The following CSMD3 variants were observed in gnomAD, a reference collection of about 807,000 sequenced individuals.
The protein encoded by CSMD3 is CUB and Sushi multiple domains 3.
Under a neutral mutation model 435.2 loss-of-function variants are expected in CSMD3, and 177 were observed. The ratio of observed to expected loss-of-function variants is 0.41; its 90% CI spans 0.36 to 0.46. The LOEUF is 0.46. Among genes scored for constraint, CSMD3 ranks in the 20% least tolerant of loss-of-function variants. CSMD3 has a pLI of 0.34. For synonymous variants in CSMD3, 1,656 were observed against 1,520.5 expected (o/e 1.09, Z -2.07); for missense variants, 4,265 against 4,504.6 (o/e 0.95, Z 1.52).
intron 27 of CSMD3, among the ~76,000 whole-genome samples, chr8:112,545,482 CAA>C (rs71566032): frequency 4.5e-4 from 12 of 26,890 alleles, no homozygotes; most frequent in Middle Eastern, 0.021. Flanking sequence ...GACTCCATCT[CAA>C]AAAAAAAAAA....
At chr8:112,601,789 T>G (rs769452984) in intron 22 of CSMD3, among the ~76,000 whole-genome samples, 4 of 152,232 alleles carry the variant, frequency 2.6e-5, no homozygotes, top group Non-Finnish European at 5.9e-5. Flanking sequence ...GTTCAATTAA[T>G]ATTTTTATAT....
At chr8:112,726,989 A>C in intron 13 of CSMD3, among the ~76,000 whole-genome samples, 1 of 151,858 alleles carries the variant, frequency 6.6e-6, no homozygotes, top group Non-Finnish European at 1.5e-5. Flanking sequence ...AGAATTCTAA[A>C]AAATAAAGAC....
At chr8:112,768,964 T>C (rs1016632228) in intron 13 of CSMD3, among the ~76,000 whole-genome samples, 2 of 151,974 alleles carry the variant, frequency 1.3e-5, no homozygotes. Flanking sequence ...CAGCTATTTA[T>C]TCACATATCC....
At chr8:113,324,185 A>G (rs2093967731) in intron 1 of CSMD3, among the ~76,000 whole-genome samples, 1 of 152,222 alleles carries the variant, frequency 6.6e-6, no homozygotes, top group Non-Finnish European at 1.5e-5. Context: ...TTTTCTGAGG[A>G]GAAATTCAAG....
intron 10 of CSMD3, among the ~76,000 whole-genome samples, chr8:112,906,789 C>A (rs908287875): frequency 4.0e-5 from 6 of 151,538 alleles, no homozygotes; most frequent in Non-Finnish European, 8.9e-5. Flanking sequence ...AATTCAAATT[C>A]TTTCACTGAT....
chr8:112,811,675 TCTC>T (rs1239907386), intron 12 of CSMD3, among the ~76,000 whole-genome samples: 1 of 152,322 alleles, frequency 6.6e-6, no homozygotes, highest in Admixed American at 6.5e-5. Flanking sequence ...TTTTTTGAAA[TCTC>T]CTCTACAGAT....
At chr8:113,089,454 T>A (rs571763965) in intron 5 of CSMD3, among the ~76,000 whole-genome samples, 1 of 152,116 alleles carries the variant, frequency 6.6e-6, no homozygotes, top group Non-Finnish European at 1.5e-5. Context: ...ATCTAAGACA[T>A]AGAGTTAACA....
At position 112,449,493 on chromosome 8, in the gene CSMD3, G is replaced by C. The variant is rs1816015575; in HGVS notation, c.5395+23098C>G. Among the ~76,000 whole-genome samples the C allele has an allele frequency of 2.0e-5, 3 of 152,146 alleles. 1 individual carries two copies. Among genetic ancestry groups the C allele is most frequent in the Non-Finnish European group, 4.4e-5 (3 of 68,032 alleles). On this transcript the variant is annotated intron_variant, in intron 32 of 70. Coordinates refer to ENST00000297405, the MANE Select transcript of CSMD3 (RefSeq NM_198123.2). ...CTAACCCTAAGAAAAGCTGAGTGCA[G>C]AGACAGAGAATATGCGCCGAGTGCT...
chr8:112,925,333 A>C (rs1337748463), intron 9 of CSMD3, among the ~76,000 whole-genome samples: 3 of 151,848 alleles, frequency 2.0e-5, no homozygotes, highest in African/African-American at 7.3e-5. Flanking sequence ...CCAAGGAGGG[A>C]GGATTACGAG....
At chr8:112,771,842 T>G (rs1394228056) in intron 13 of CSMD3, among the ~76,000 whole-genome samples, 1 of 150,804 alleles carries the variant, frequency 6.6e-6, no homozygotes, top group African/African-American at 2.4e-5. Flanking sequence ...TAGAAAAAAG[T>G]CAATCACATC....
chr8:113,185,789 T>G (rs1290044419), intron 3 of CSMD3, among the ~76,000 whole-genome samples: 1 of 151,974 alleles, frequency 6.6e-6, no homozygotes, highest in Non-Finnish European at 1.5e-5. Context: ...ATATGTGTGT[T>G]GTAACAGCAC....
chr8:113,297,255 T>C (rs2093729702), intron 2 of CSMD3, among the ~76,000 whole-genome samples: 1 of 151,164 alleles, frequency 6.6e-6, no homozygotes, highest in African/African-American at 2.5e-5. Flanking sequence ...AACTATAGTG[T>C]TTAAGTCAGT....
intron 10 of CSMD3, among the ~76,000 whole-genome samples, chr8:112,905,638 T>C (rs2082241482): frequency 6.6e-6 from 1 of 151,444 alleles, no homozygotes; most frequent in Non-Finnish European, 1.5e-5. Context: ...TTCAACTCTT[T>C]ATGGCCAAGG....
At chr8:113,241,453 C>T (rs1277817370) in intron 3 of CSMD3, among the ~76,000 whole-genome samples, 1 of 151,840 alleles carries the variant, frequency 6.6e-6, no homozygotes, top group Non-Finnish European at 1.5e-5. Flanking sequence ...TCACAAATAT[C>T]TTTTCACAAA....
chr8:112,369,244 G>A (rs62514447), intron 38 of CSMD3, among the ~76,000 whole-genome samples: 59,869 of 151,704 alleles, frequency 0.39, 13,295 homozygotes, highest in Middle Eastern at 0.54. Context: ...AACATTTAAC[G>A]CAGCTATATA....
At chr8:112,979,619 C>A (rs2084974540) in intron 6 of CSMD3, among the ~76,000 whole-genome samples, 1 of 151,428 alleles carries the variant, frequency 6.6e-6, no homozygotes, top group Non-Finnish European at 1.5e-5. Flanking sequence ...TAAAAGGATA[C>A]TTTACTTTCA....
chr8:112,762,149 ACTT>A (rs1431553382), intron 13 of CSMD3, among the ~76,000 whole-genome samples: 1 of 151,932 alleles, frequency 6.6e-6, no homozygotes, highest in Non-Finnish European at 1.5e-5. Flanking sequence ...ACTAAGAACT[ACTT>A]TATTATGTGA....
chr8:113,276,617 C>A (rs966061971), intron 3 of CSMD3, among the ~76,000 whole-genome samples: 1 of 152,018 alleles, frequency 6.6e-6, no homozygotes, highest in Non-Finnish European at 1.5e-5. Context: ...ACCCAGCCCA[C>A]TGAAATTTTT....
chr8:113,087,164 G>A (rs926492459), intron 5 of CSMD3, among the ~76,000 whole-genome samples: 5 of 151,982 alleles, frequency 3.3e-5, no homozygotes, highest in Non-Finnish European at 7.4e-5. Flanking sequence ...TCTTTCTAAA[G>A]GACCCACCAC....
Sources: allele counts gnomAD v4.1 joint callset (sites outside exome capture counted in the v4.1 genomes callset), GRCh38; gene constraint gnomAD v4.1.1; transcripts MANE v1.5; gene names NCBI Gene and HGNC (gene_info 2026-07-23, HGNC 2026-07-21).